Variants in CHN1 observed in about 807,000 individuals in gnomAD.
CHN1 encodes N-chimaerin.
In CHN1, 37 loss-of-function variants were observed where a neutral mutation model predicts 59.5. That is an observed-to-expected ratio of 0.62 (90% CI 0.48 to 0.82). The LOEUF is 0.82. CHN1 is among the 40% of genes least tolerant of loss of function. The pLI is 0.00. For missense variants in CHN1, 469 were observed against 571.0 expected, an observed-to-expected ratio of 0.82 and a Z score of 1.82; for synonymous variants, 206 against 200.4, an observed-to-expected ratio of 1.03 and a Z score of -0.24.
In CHN1 at chr2:174,962,662, C is replaced by G. The variant is rs866385818; in HGVS notation, c.20-10460G>C. On this transcript the variant is annotated intron_variant, in intron 1 of 12. Transcript: ENST00000409900. Reference sequence around the variant, plus strand: ...CTGCAATCCCAGCACTTTGGAAGGCCCGGGGGGGGGGGGGGGGGGGGCAGA... The same window carrying G: ...CTGCAATCCCAGCACTTTGGAAGGCGCGGGGGGGGGGGGGGGGGGGGCAGA... Among the ~76,000 whole-genome samples, 3 of 15,842 alleles carry G rather than the reference C, an allele frequency of 1.9e-4. No individual in the cohort carries two copies. In the South Asian group the frequency reaches 4.2e-3, roughly 22 times the overall value. 10.4% of individuals were successfully genotyped at this position (15,842 alleles called of 152,430 possible). A position where few individuals can be genotyped will look rare whatever the true frequency, so the allele number is the denominator to read the frequency against.
At chr2:174,868,762 C>T (rs564937571) in intron 6 of CHN1, among the ~76,000 whole-genome samples, 51 of 152,286 alleles carry the variant, frequency 3.3e-4, no homozygotes, top group African/African-American at 6.3e-4. Context: ...CTCCATTCTA[C>T]AGGACAGTTG....
chr2:174,990,315 T>TCG lies in CHN1; in HGVS notation c.19+14577_19+14578dup, dbSNP rs1224191982. On this transcript the variant is annotated intron_variant, in intron 1 of 12. Transcript: ENST00000409900. The stretch of plus-strand genomic sequence containing the variant: ...CGAGCGCAAGAGCAAGAGTGCGAGG[T>TCG]CGTGGGGGGGTGCGGGGGGGCGGGC... Among the ~76,000 whole-genome samples the TCG allele has an allele frequency of 7.0e-4, 6 of 8,600 alleles. 1 individual carries two copies. The highest frequency in any genetic ancestry group is 2.9e-3 in the African/African-American group (6 of 2,042). 5.6% of individuals were successfully genotyped at this position (8,600 alleles called of 152,430 possible). A position where few individuals can be genotyped will look rare whatever the true frequency, so the allele number is the denominator to read the frequency against.
intron 5 of CHN1, among the ~76,000 whole-genome samples, chr2:174,906,658 G>C (rs1328045215): frequency 8.7e-6 from 1 of 114,490 alleles, no homozygotes; most frequent in Non-Finnish European, 1.8e-5. Context: ...CTTGCAAACA[G>C]AGTAAGAAAA....
At chr2:174,923,765 C>T (rs1286979056) in intron 3 of CHN1, among the ~76,000 whole-genome samples, 1 of 152,188 alleles carries the variant, frequency 6.6e-6, no homozygotes, top group East Asian at 1.9e-4. Flanking sequence ...AGTCCATAAT[C>T]TGCTTCCATT....
intron 5 of CHN1, among the ~76,000 whole-genome samples, chr2:174,911,122 A>G (rs1688690954): frequency 1.3e-5 from 2 of 152,308 alleles, no homozygotes; most frequent in South Asian, 2.1e-4. Context: ...GAAGTCAGGA[A>G]TAGTAAACCA....
intron 6 of CHN1, among the ~76,000 whole-genome samples, chr2:174,873,191 C>G (rs371252755): frequency 2.2e-4 from 33 of 152,270 alleles, no homozygotes; most frequent in African/African-American, 7.7e-4. Context: ...AGAGCCTGTT[C>G]ATCCCAGAAC....
intron 11 of CHN1, among the ~76,000 whole-genome samples, chr2:174,802,678 G>A (rs1287439020): frequency 2.0e-5 from 3 of 152,238 alleles, no homozygotes; most frequent in East Asian, 1.9e-4. Flanking sequence ...GGAATTCTGC[G>A]ATCTCAAAAA....
At chr2:174,909,702 T>C (rs1448822312) in intron 5 of CHN1, among the ~76,000 whole-genome samples, 1 of 152,204 alleles carries the variant, frequency 6.6e-6, no homozygotes, top group Admixed American at 6.5e-5. Flanking sequence ...TGACCATCCA[T>C]GCTATTATTA....
At chr2:174,958,335 T>C (rs950451233) in intron 1 of CHN1, among the ~76,000 whole-genome samples, 2 of 152,196 alleles carry the variant, frequency 1.3e-5, no homozygotes, top group Admixed American at 1.3e-4. Context: ...ATGTAAGTAA[T>C]GTTTAGTGAG....
At chr2:174,812,138 TTTAA>T (rs372907733) in intron 9 of CHN1, 167 bp downstream of exon 9, 4 of 456,944 alleles carry the variant, frequency 8.8e-6, no homozygotes, top group Admixed American at 4.1e-5. Flanking sequence ...AATCAAGCTA[TTTAA>T]TTGTTAAATT....
intron 7 of CHN1, among the ~76,000 whole-genome samples, chr2:174,830,041 G>A (rs1410217264): frequency 6.6e-6 from 1 of 152,018 alleles, no homozygotes; most frequent in African/African-American, 2.4e-5. Context: ...GACTATCTTG[G>A]CTAACAACGG....
At chr2:174,936,273 C>T (rs142888193) in intron 3 of CHN1, among the ~76,000 whole-genome samples, 90 of 152,308 alleles carry the variant, frequency 5.9e-4, no homozygotes, top group African/African-American at 2.1e-3. Flanking sequence ...ATCATCACTA[C>T]ATTTCCCACT....
chr2:174,830,223 ACT>A (rs1343945147), intron 7 of CHN1, among the ~76,000 whole-genome samples: 1 of 150,666 alleles, frequency 6.6e-6, no homozygotes, highest in African/African-American at 2.5e-5. Flanking sequence ...ACAGAGCAAG[ACT>A]CTGTCTCAAA....
intron 7 of CHN1, among the ~76,000 whole-genome samples, chr2:174,845,779 G>GGT (rs1274999244): frequency 2.0e-5 from 2 of 102,300 alleles, no homozygotes; most frequent in African/African-American, 7.5e-5. Flanking sequence ...AGAGCATATG[G>GGT]GTGGGGGGGG....
intron 6 of CHN1, among the ~76,000 whole-genome samples, chr2:174,852,968 T>C (rs1001380071): frequency 6.6e-6 from 1 of 152,196 alleles, no homozygotes; most frequent in African/African-American, 2.4e-5. Flanking sequence ...ATTAAAGATT[T>C]AAAGATCTCA....
At chr2:174,817,650 T>C (rs925739923) in intron 8 of CHN1, among the ~76,000 whole-genome samples, 2 of 149,622 alleles carry the variant, frequency 1.3e-5, no homozygotes, top group African/African-American at 4.9e-5. Context: ...TTTTTTTTTT[T>C]TTTTTGAGAC....
intron 10 of CHN1, among the ~76,000 whole-genome samples, chr2:174,809,969 A>ATTTC: frequency 6.6e-6 from 1 of 152,164 alleles, no homozygotes; most frequent in East Asian, 1.9e-4. Flanking sequence ...CCATTCAGTC[A>ATTTC]CTATTTCCTA....
At chr2:174,963,832 G>A (rs1690503507) in intron 1 of CHN1, among the ~76,000 whole-genome samples, 1 of 152,164 alleles carries the variant, frequency 6.6e-6, no homozygotes, top group Non-Finnish European at 1.5e-5. Context: ...CGACTCACAA[G>A]AGCACAAAGT....
chr2:174,812,269 T>C, intron 9 of CHN1, 40 bp downstream of exon 9: 1 of 1,561,832 alleles, frequency 6.4e-7, no homozygotes, highest in Non-Finnish European at 8.7e-7. Flanking sequence ...GTACTGGTAG[T>C]GAACGGAGAC....
Sources: allele counts gnomAD v4.1 joint callset (sites outside exome capture counted in the v4.1 genomes callset), GRCh38; gene constraint gnomAD v4.1.1; transcripts MANE v1.5; gene names NCBI Gene and HGNC (gene_info 2026-07-23, HGNC 2026-07-21).